Variants in NBEA observed in about 807,000 individuals in gnomAD.
The protein encoded by NBEA is lysosomal-trafficking regulator 2.
NBEA carries 44 observed loss-of-function variants against 343.4 expected under a neutral mutation model. The ratio of observed to expected loss-of-function variants is 0.13; its 90% confidence interval spans 0.10 to 0.16. The LOEUF (loss-of-function observed/expected upper bound fraction) is 0.16. Ranked by LOEUF, NBEA falls within the 10% of genes least tolerant of loss-of-function variation. NBEA has a pLI of 1.00. For synonymous variants in NBEA, 1,175 were observed against 1,238.7 expected (o/e 0.95, Z 1.08); for missense variants, 2,555 against 3,631.3 (o/e 0.70, Z 7.62).
chr13:35,046,504 T>C (rs1453090368), intron 4 of NBEA, among the ~76,000 whole-genome samples: 3 of 152,144 alleles, frequency 2.0e-5, no homozygotes, highest in Non-Finnish European at 4.4e-5. Context: ...ATGGGGTATA[T>C]ATGTTCTAAG....
chr13:35,161,195 G>A (rs1725935859), intron 22 of NBEA, among the ~76,000 whole-genome samples: 1 of 152,044 alleles, frequency 6.6e-6, no homozygotes, highest in African/African-American at 2.4e-5. Context: ...AGGCTTGCCT[G>A]TTGAACACTA....
At chr13:35,594,773 C>G (rs538821287) in intron 47 of NBEA, among the ~76,000 whole-genome samples, 52 of 152,088 alleles carry the variant, frequency 3.4e-4, no homozygotes, top group African/African-American at 1.2e-3. Flanking sequence ...ATCCAGAATT[C>G]ACACAATGTT....
chr13:35,064,855 C>G (rs2063592820), intron 8 of NBEA, among the ~76,000 whole-genome samples: 1 of 151,430 alleles, frequency 6.6e-6, no homozygotes, highest in Non-Finnish European at 1.5e-5. Context: ...AGAAGAAAAC[C>G]CTGCTGACAC....
intron 1 of NBEA, among the ~76,000 whole-genome samples, chr13:34,947,251 C>T (rs868718334): frequency 4.0e-4 from 61 of 152,004 alleles, no homozygotes; most frequent in African/African-American, 1.3e-3. Context: ...CATAATGACA[C>T]TAAGGCAGCA....
chr13:35,293,683 G>A (rs1314544738), intron 35 of NBEA, among the ~76,000 whole-genome samples: 1 of 151,866 alleles, frequency 6.6e-6, no homozygotes, highest in East Asian at 1.9e-4. Context: ...TTACTGTATT[G>A]TGCTCTTTGA....
chr13:35,349,491 T>G (rs1005834029), intron 37 of NBEA, among the ~76,000 whole-genome samples: 1 of 152,074 alleles, frequency 6.6e-6, no homozygotes, highest in Non-Finnish European at 1.5e-5. Flanking sequence ...CAAAAAATAA[T>G]TTATAATGCA....
chr13:35,471,272 C>T (rs1042583214), intron 40 of NBEA, among the ~76,000 whole-genome samples: 1 of 152,158 alleles, frequency 6.6e-6, no homozygotes, highest in African/African-American at 2.4e-5. Flanking sequence ...CTCCCGAGCC[C>T]GGCCCGGCGG....
At chr13:35,474,265 A>C (rs2152960074) in intron 41 of NBEA, 1 of 152,734 alleles carries the variant, frequency 6.5e-6, no homozygotes, top group South Asian at 2.1e-4. Flanking sequence ...TTAAAATCTA[A>C]ATCACAAAAG....
At chr13:35,067,594 A>G (rs561609439) in intron 8 of NBEA, among the ~76,000 whole-genome samples, 3 of 152,114 alleles carry the variant, frequency 2.0e-5, no homozygotes, top group African/African-American at 7.2e-5. Flanking sequence ...GCCTATTTGC[A>G]GTCACTCCTC....
chr13:35,476,317 G>A (rs1226716503), intron 41 of NBEA: 4 of 993,916 alleles, frequency 4.0e-6, no homozygotes, highest in Non-Finnish European at 5.8e-6. Flanking sequence ...TGCTGCTGCT[G>A]CTGCTGCTGC....
intron 41 of NBEA, chr13:35,476,955 A>C: frequency 2.8e-6 from 1 of 361,114 alleles, no homozygotes; most frequent in Non-Finnish European, 4.1e-6. Flanking sequence ...AAGACTTGGC[A>C]AAGCGGCTCT....
Position 34,943,023 on chromosome 13 carries a change from G to T in NBEA, c.203G>T (p.Arg68Leu), listed in dbSNP as rs1229556403. The T allele has an allele frequency of 6.2e-7, 1 of 1,612,642 alleles. No individual in the cohort carries two copies. Among genetic ancestry groups the T allele is most frequent in the Non-Finnish European group, 8.5e-7 (1 of 1,179,434 alleles). The change falls in exon 1 of 59, where the codon CGC (arginine) becomes CTC (leucine). Residue 68 changes from arginine to leucine, a missense_variant. By Grantham distance (102) the Arg-to-Leu change is moderately radical. Transcript: ENST00000379939. ...AGMINPSVPI[R>L]NIRMKFAVLI... ...ATGATTAACCCTTCGGTGCCGATCC[G>T]CAACATCCGGATGAAATTCGCAGTG...
intron 17 of NBEA, among the ~76,000 whole-genome samples, chr13:35,131,943 A>C (rs184754443): frequency 4.6e-5 from 7 of 152,310 alleles, no homozygotes; most frequent in Non-Finnish European, 1.0e-4. Context: ...CATAAAGAAC[A>C]TTAGACGTTA....
intron 43 of NBEA, among the ~76,000 whole-genome samples, chr13:35,552,706 G>A (rs1021463378): frequency 1.6e-4 from 25 of 152,136 alleles, no homozygotes; most frequent in African/African-American, 6.0e-4. Context: ...CAATGACCAT[G>A]ATTCCTGAAA....
At chr13:35,456,688 T>C (rs1278817949) in intron 40 of NBEA, among the ~76,000 whole-genome samples, 1 of 152,008 alleles carries the variant, frequency 6.6e-6, no homozygotes, top group Non-Finnish European at 1.5e-5. Flanking sequence ...AAGGATTTAA[T>C]TAAATTGAAA....
intron 1 of NBEA, among the ~76,000 whole-genome samples, chr13:34,986,932 A>AATACAGCAC (rs2060570747): frequency 6.6e-6 from 1 of 150,954 alleles, no homozygotes; most frequent in Admixed American, 6.6e-5. Flanking sequence ...GGGTCTCCTG[A>AATACAGCAC]ATACAGCACA....
At chr13:35,130,571 G>A (rs74455821) in intron 17 of NBEA, among the ~76,000 whole-genome samples, 4 of 151,800 alleles carry the variant, frequency 2.6e-5, no homozygotes, top group African/African-American at 7.3e-5. Flanking sequence ...TAGGTGAGTC[G>A]TAGAAATCTA....
intron 31 of NBEA, among the ~76,000 whole-genome samples, chr13:35,203,844 A>G (rs934894523): frequency 2.0e-5 from 3 of 152,210 alleles, no homozygotes; most frequent in Non-Finnish European, 4.4e-5. Flanking sequence ...TGGAGTGTGT[A>G]TAGATTCTAT....
chr13:35,207,363 C>G (rs1307916400), intron 31 of NBEA, among the ~76,000 whole-genome samples: 3 of 151,794 alleles, frequency 2.0e-5, no homozygotes, highest in African/African-American at 7.3e-5. Context: ...AGATGTAAAT[C>G]AAGTTGGATA....
Sources: gnomAD v4.1 joint callset for allele counts (sites outside exome capture counted in the v4.1 genomes callset) on GRCh38, gnomAD v4.1.1 for gene constraint, MANE v1.5 for transcripts, NCBI Gene and HGNC (gene_info 2026-07-23, HGNC 2026-07-21) for gene names.